GRIK1: variants seen among roughly 807,000 people sequenced by gnomAD.
GRIK1 encodes the protein glutamate ionotropic receptor kainate type subunit 1, also known as glutamate receptor ionotropic, kainate 1.
In GRIK1, 69 loss-of-function variants were observed where a neutral mutation model predicts 105.7. The ratio of observed to expected loss-of-function variants is 0.65; its 90% CI spans 0.54 to 0.80. The LOEUF is 0.80. Among genes scored for constraint, GRIK1 ranks in the 30% least tolerant of loss-of-function variants. The probability of loss-of-function intolerance (pLI) is 0.00; values close to 1 mark genes in which losing one functional copy is unlikely to be tolerated. For missense variants in GRIK1, 1,109 were observed against 1,167.3 expected, an observed-to-expected ratio of 0.95 and a Z score of 0.73; for synonymous variants, 438 against 431.3, an observed-to-expected ratio of 1.02 and a Z score of -0.19.
chr21:29,694,266 T>G (rs1255046556), intron 1 of GRIK1, among the ~76,000 whole-genome samples: 1 of 151,864 alleles, frequency 6.6e-6, no homozygotes, highest in African/African-American at 2.4e-5. Context: ...TAGGACTGCA[T>G]GTGTGCACTA....
At chr21:29,813,818 C>T (rs1169732556) in intron 1 of GRIK1, among the ~76,000 whole-genome samples, 1 of 151,904 alleles carries the variant, frequency 6.6e-6, no homozygotes, top group Non-Finnish European at 1.5e-5. Flanking sequence ...CATCTCAGTT[C>T]CAGCTGAAGA....
At chr21:29,905,233 C>T (rs1387041163) in intron 1 of GRIK1, among the ~76,000 whole-genome samples, 2 of 152,060 alleles carry the variant, frequency 1.3e-5, no homozygotes, top group Non-Finnish European at 2.9e-5. Context: ...GAATTCAAAT[C>T]TGAAATCGTC....
At chr21:29,737,423 C>A (rs1211703409) in intron 1 of GRIK1, among the ~76,000 whole-genome samples, 1 of 152,128 alleles carries the variant, frequency 6.6e-6, no homozygotes, top group Non-Finnish European at 1.5e-5. Flanking sequence ...AATACTCAGG[C>A]AGAATGAAAC....
intron 4 of GRIK1, among the ~76,000 whole-genome samples, chr21:29,664,672 T>C (rs774366172): frequency 2.0e-5 from 3 of 152,166 alleles, no homozygotes; most frequent in Non-Finnish European, 2.9e-5. Context: ...TTACATTTCA[T>C]AGGATTACCC....
chr21:29,720,206 G>T (rs1431559467), intron 1 of GRIK1, among the ~76,000 whole-genome samples: 4 of 152,116 alleles, frequency 2.6e-5, no homozygotes, highest in African/African-American at 9.7e-5. Flanking sequence ...TTTTAAAACT[G>T]TGTGCACATA....
chr21:29,857,465 T>C (rs468888), intron 1 of GRIK1, among the ~76,000 whole-genome samples: 51,056 of 152,134 alleles, frequency 0.34, 9,593 homozygotes, highest in African/African-American at 0.51. Flanking sequence ...AACTTGGCAT[T>C]TGTATAAGGA....
chr21:29,758,655 T>C (rs1329679489), intron 1 of GRIK1, among the ~76,000 whole-genome samples: 1 of 152,176 alleles, frequency 6.6e-6, no homozygotes, highest in Admixed American at 6.5e-5. Context: ...TTGGAAGGGA[T>C]TGCCACAAAA....
intron 1 of GRIK1, among the ~76,000 whole-genome samples, chr21:29,848,530 A>C (rs185243141): frequency 6.6e-6 from 1 of 151,978 alleles, no homozygotes; most frequent in Non-Finnish European, 1.5e-5. Flanking sequence ...TTTTATCCAG[A>C]AATCCTGCTT....
chr21:29,781,037 A>T (rs1366066092), intron 1 of GRIK1, among the ~76,000 whole-genome samples: 2 of 152,190 alleles, frequency 1.3e-5, no homozygotes, highest in Non-Finnish European at 2.9e-5. Context: ...TAAGAAAAGT[A>T]AAACCCATCT....
At chr21:29,588,258 A>G (rs1023881682) in intron 11 of GRIK1, among the ~76,000 whole-genome samples, 1 of 152,060 alleles carries the variant, frequency 6.6e-6, no homozygotes, top group African/African-American at 2.4e-5. Flanking sequence ...TTAATTTAAG[A>G]ATCACTCAAG....
intron 1 of GRIK1, among the ~76,000 whole-genome samples, chr21:29,814,467 G>T (rs2067099730): frequency 1.3e-5 from 2 of 152,052 alleles, no homozygotes; most frequent in Admixed American, 1.3e-4. Context: ...AGCCAGGAGT[G>T]CACAGAGGCA....
At chr21:29,655,973 T>C (rs115419333) in intron 4 of GRIK1, among the ~76,000 whole-genome samples, 1,693 of 152,308 alleles carry the variant, frequency 0.011, 35 homozygotes, top group African/African-American at 0.038. Context: ...CAATTCTTTC[T>C]AAATATGAAT....
At chr21:29,545,009 G>A (rs952054139) in intron 16 of GRIK1, among the ~76,000 whole-genome samples, 1 of 152,252 alleles carries the variant, frequency 6.6e-6, no homozygotes, top group African/African-American at 2.4e-5. Context: ...AGAAGAGGCA[G>A]TTAATGGAGC....
chr21:29,742,376 T>C (rs1377749160), intron 1 of GRIK1, among the ~76,000 whole-genome samples: 1 of 152,186 alleles, frequency 6.6e-6, no homozygotes, highest in African/African-American at 2.4e-5. Context: ...AATACTTGGA[T>C]TGGAGACAAA....
At chr21:29,609,765 T>C (rs1284490327) in intron 7 of GRIK1, among the ~76,000 whole-genome samples, 3 of 152,264 alleles carry the variant, frequency 2.0e-5, no homozygotes, top group Admixed American at 6.5e-5. Context: ...AATTACACCA[T>C]CTGCTTTTCT....
At chr21:29,567,025 GTTGT>G in intron 14 of GRIK1, among the ~76,000 whole-genome samples, 1 of 152,146 alleles carries the variant, frequency 6.6e-6, no homozygotes, top group African/African-American at 2.4e-5. Context: ...AGCCAGAGCT[GTTGT>G]ACTCATCATA....
intron 1 of GRIK1, among the ~76,000 whole-genome samples, chr21:29,763,179 A>C (rs1185090755): frequency 2.0e-5 from 3 of 152,124 alleles, no homozygotes; most frequent in African/African-American, 7.2e-5. Flanking sequence ...TGCTGTTCTC[A>C]TGATAATGCA....
chr21:29,757,175 ACTGAAATGTAT>A (rs1343690490), intron 1 of GRIK1, among the ~76,000 whole-genome samples: 4 of 152,286 alleles, frequency 2.6e-5, no homozygotes, highest in South Asian at 4.1e-4. Flanking sequence ...CGAACCAGTG[ACTGAAATGTAT>A]ATTTCCCAAC....
chr21:29,662,004 T>G (rs2062974595), intron 4 of GRIK1, among the ~76,000 whole-genome samples: 1 of 152,210 alleles, frequency 6.6e-6, no homozygotes, highest in Non-Finnish European at 1.5e-5. Flanking sequence ...ACCTCCAAGT[T>G]AAACTAAAGA....
Sources: gnomAD v4.1 joint callset for allele counts (sites outside exome capture counted in the v4.1 genomes callset) on GRCh38, gnomAD v4.1.1 for gene constraint, MANE v1.5 for transcripts, NCBI Gene and HGNC (gene_info 2026-07-23, HGNC 2026-07-21) for gene names.